Variants in HSP90B1 observed in about 807,000 individuals in gnomAD.
The protein encoded by HSP90B1 is endoplasmin.
Under a neutral mutation model 100.4 loss-of-function variants are expected in HSP90B1, and 27 were observed. The ratio of observed to expected loss-of-function variants is 0.27; its 90% CI spans 0.20 to 0.37. The LOEUF (loss-of-function observed/expected upper bound fraction) is 0.37. HSP90B1 is among the 10% of genes least tolerant of loss of function. The probability of loss-of-function intolerance (pLI) is 1.00; values close to 1 mark genes in which losing one functional copy is unlikely to be tolerated. For missense variants in HSP90B1, 678 were observed against 960.5 expected (o/e 0.71, Z 3.89); for synonymous variants, 304 against 330.8 (o/e 0.92, Z 0.88).
intron 8 of HSP90B1, among the ~76,000 whole-genome samples, chr12:103,940,628 A>G (rs1055073957): frequency 1.3e-5 from 2 of 152,198 alleles, no homozygotes; most frequent in African/African-American, 4.8e-5. Flanking sequence ...CTTACTTCAT[A>G]TAAAGCAGCT....
In HSP90B1 at chr12:103,946,800, T is replaced by C; in HGVS notation, c.2121T>C (p.Asp707=). 6.2e-7 allele frequency: 1 copy of C among 1,614,128 alleles called. No homozygotes were observed. The highest frequency in any genetic ancestry group is 8.5e-7 in the Non-Finnish European group (1 of 1,180,020). Residue 707 remains aspartate (D), a synonymous_variant, in exon 16 of 18, where the codon GAT becomes GAC. Transcript: ENST00000299767. The stretch of plus-strand genomic sequence containing the variant: ...TTGCATTTCAGGAAGATGAAGATGA[T>C]AAAACAGTTTTGGATCTTGCTGTGG... ...MLRRIKEDED[D]KTVLDLAVVL...
intron 6 of HSP90B1, 26 bp from the exon 7 acceptor site, chr12:103,938,314 T>C: frequency 6.6e-7 from 1 of 1,520,268 alleles, no homozygotes. Flanking sequence ...CAAATGAGTT[T>C]AACCATAATT....
chr12:103,939,134 C>G (rs997396679), intron 7 of HSP90B1, among the ~76,000 whole-genome samples: 3 of 149,974 alleles, frequency 2.0e-5, no homozygotes, highest in African/African-American at 7.4e-5. Context: ...GACAGAGTCT[C>G]TGCCACCCAG....
intron 7 of HSP90B1, 97 bp from the exon 8 acceptor site, chr12:103,939,401 CCTCTGGGTCTT>C (rs1870013324): frequency 1.8e-6 from 1 of 563,858 alleles, no homozygotes; most frequent in African/African-American, 2.0e-5. Context: ...CCACACCAGT[CCTCTGGGTCTT>C]TACATAGTCT....
At chr12:103,932,803 T>TATTC (rs757646370) in intron 3 of HSP90B1, 23 bp from the exon 4 acceptor site, 2 of 1,169,370 alleles carry the variant, frequency 1.7e-6, no homozygotes, top group South Asian at 2.4e-5. Flanking sequence ...AGTCTAAGTG[T>TATTC]ATTCCCTCTG....
rs148706377 is a variant in HSP90B1 at position 103,931,613 on chromosome 12, G to T, written c.142G>T (p.Val48Leu). The T allele has an allele frequency of 6.2e-7, 1 of 1,610,488 alleles. No individual in the cohort carries two copies. Among genetic ancestry groups the T allele is most frequent in the Non-Finnish European group, 8.5e-7 (1 of 1,176,864 alleles). The change falls in exon 2 of 18, where the codon GTA becomes TTA. Residue 48 changes from valine to leucine, a missense_variant. By Grantham distance (32) the Val-to-Leu change is conservative (BLOSUM62 1). Around this residue, in one of 8 missense-constraint regions of HSP90B1, gnomAD observed 88 missense variants for 88.2 expected, o/e 1.00. Coordinates refer to ENST00000299767, the MANE Select transcript of HSP90B1 (RefSeq NM_003299.3). ...AGAAGGATCAAGGACGGATGATGAAGTAGTACAGAGGTTTGTGTTCATTTG... is the reference window on the plus strand; with the variant it reads ...AGAAGGATCAAGGACGGATGATGAATTAGTACAGAGGTTTGTGTTCATTTG... ...SREGSRTDDEVVQREEEAIQL... is the reference protein window; with the variant it reads ...SREGSRTDDELVQREEEAIQL...
At chr12:103,937,394 G>C (rs546584870) in intron 5 of HSP90B1, among the ~76,000 whole-genome samples, 1 of 152,314 alleles carries the variant, frequency 6.6e-6, no homozygotes, top group Admixed American at 6.5e-5. Flanking sequence ...GAATATTTCA[G>C]TGCTTTCTCA....
At chr12:103,936,010 A>G (rs1288291475) in intron 5 of HSP90B1, among the ~76,000 whole-genome samples, 3 of 152,244 alleles carry the variant, frequency 2.0e-5, no homozygotes, top group East Asian at 3.8e-4. Flanking sequence ...ATGACCATGC[A>G]TATCTTTTTA....
Position 103,946,857 on chromosome 12 carries a change from G to T in HSP90B1, c.2178G>T (p.Gly726=). Reference sequence around the variant, plus strand: ...TTGAAACAGCAACGCTTCGGTCAGGGTATCTTTTACCAGACACTAAAGCAT... The same window carrying T: ...TTGAAACAGCAACGCTTCGGTCAGGTTATCTTTTACCAGACACTAAAGCAT... The part of the protein sequence containing the change: ...VLFETATLRS[G]YLLPDTKAYG... Residue 726 remains glycine (G), a synonymous_variant, in exon 16 of 18, where the codon GGG becomes GGT. Coordinates refer to ENST00000299767, the MANE Select transcript of HSP90B1 (RefSeq NM_003299.3). 1.2e-6 allele frequency: 2 copies of T among 1,614,048 alleles called. No individual in the cohort carries two copies. Among genetic ancestry groups the T allele is most frequent in the Non-Finnish European group, 1.7e-6 (2 of 1,179,964 alleles).
chr12:103,946,678 C>G lies in HSP90B1; in HGVS notation c.2088C>G (p.Asp696Glu), dbSNP rs553845953. The G allele has an allele frequency of 1.9e-6, 3 of 1,613,942 alleles. No individual in the cohort carries two copies. In the African/African-American group the frequency reaches 4.0e-5, roughly 22 times the overall value. Residue 696 changes from aspartate to glutamate, a missense_variant, in exon 15 of 18, where the codon GAC (aspartate) becomes GAG (glutamate). By Grantham distance (45) the Asp-to-Glu change is conservative. Transcript: ENST00000299767. ...ATCCCAGACACCCGCTGATCAGAGA[C>G]ATGCTTCGACGAATTAAGGTAGTAT... is the stretch of plus-strand genomic sequence containing the variant. ...EINPRHPLIR[D>E]MLRRIKEDED... is the part of the protein sequence containing the mutation.
Position 103,932,822 on chromosome 12 carries a change from T to G in HSP90B1, c.295-4T>G. The G allele has an allele frequency of 6.8e-7, 1 of 1,464,666 alleles. No homozygotes were observed. 90.7% of individuals were successfully genotyped at this position (1,464,666 alleles called of 1,614,324 possible). On this transcript the variant is annotated splice_polypyrimidine_tract_variant and splice_region_variant and intron_variant, in intron 3 of 17. Coordinates refer to ENST00000299767, the MANE Select transcript of HSP90B1 (RefSeq NM_003299.3). ...TAAGTGTATTCCCTCTGGCTTCCAT[T>G]TAGATTTTCCTGAGAGAACTGATTT... is the stretch of plus-strand genomic sequence containing the variant.
chr12:103,937,423 A>G (rs187776744), intron 5 of HSP90B1, among the ~76,000 whole-genome samples: 4 of 152,352 alleles, frequency 2.6e-5, no homozygotes, highest in South Asian at 4.1e-4. Flanking sequence ...AATGAAAACA[A>G]TCTATTCAGA....
At position 103,939,564 on chromosome 12, in the gene HSP90B1, A is replaced by T. The variant is rs767254008; in HGVS notation, c.1031A>T (p.Gln344Leu). Reference protein sequence around the residue: ...ELMNDIKPIWQRPSKEVEEDE... With the variant: ...ELMNDIKPIWLRPSKEVEEDE... ...ATGAATGATATCAAACCAATATGGCAGAGACCATCAAAAGAAGTAGAAGAA... is the reference window on the plus strand; with the variant it reads ...ATGAATGATATCAAACCAATATGGCTGAGACCATCAAAAGAAGTAGAAGAA... The change falls in exon 8 of 18, where the codon CAG becomes CTG. Residue 344 changes from glutamine (Q) to leucine (L), a missense_variant. Physicochemically the swap from Gln to Leu is moderately radical, Grantham distance 113. This residue lies in a region of HSP90B1 where 238 missense variants were observed against 346.7 expected (regional missense o/e 0.69). Transcript: ENST00000299767. The T allele has an allele frequency of 6.3e-7, 1 of 1,589,926 alleles. No homozygotes were observed. The highest frequency in any genetic ancestry group is 8.5e-7 in the Non-Finnish European group (1 of 1,169,738).
intron 14 of HSP90B1, 75 bp from the exon 15 acceptor site, chr12:103,946,543 A>G: frequency 9.5e-7 from 1 of 1,052,148 alleles, no homozygotes; most frequent in Admixed American, 1.9e-5. Flanking sequence ...CTGTGTAATT[A>G]TGAAAGAATA....
intron 5 of HSP90B1, among the ~76,000 whole-genome samples, chr12:103,935,587 A>C (rs1869889877): frequency 6.6e-6 from 1 of 152,218 alleles, no homozygotes; most frequent in Non-Finnish European, 1.5e-5. Flanking sequence ...CTTTTAATGA[A>C]GACTAATTAG....
In HSP90B1 at chr12:103,934,073, A is replaced by G; in HGVS notation, c.529A>G (p.Lys177Glu). The G allele has an allele frequency of 6.2e-7, 1 of 1,614,270 alleles. No individual in the cohort carries two copies. Among genetic ancestry groups the G allele is most frequent in the Admixed American group, 1.7e-5 (1 of 60,036 alleles). ...ATCTGGGACAAGCGAGTTTTTAAAC[A>G]AAATGACTGAAGCACAGGAAGATGG... ...AKSGTSEFLN[K>E]MTEAQEDGQS... Residue 177 changes from lysine to glutamate, a missense_variant, in exon 5 of 18, where the codon AAA (lysine) becomes GAA (glutamate). This residue lies in a region of HSP90B1 where 238 missense variants were observed against 346.7 expected (regional missense o/e 0.69). Coordinates refer to ENST00000299767, the MANE Select transcript of HSP90B1 (RefSeq NM_003299.3).
At position 103,930,588 on chromosome 12, in the gene HSP90B1, C is replaced by T. The variant is rs1422912171; in HGVS notation, c.49+24C>T. 1 of 1,598,060 alleles carries T rather than the reference C, an allele frequency of 6.3e-7. No individual in the cohort carries two copies. Among genetic ancestry groups the T allele is most frequent in the South Asian group, 1.1e-5 (1 of 88,506 alleles). On this transcript the variant is annotated intron_variant, in intron 1 of 17. Transcript: ENST00000299767. The surrounding 1 kb of genome is among the most constrained non-coding windows in gnomAD (Gnocchi z 4.4). ...CGGTGAGTGATTCTGGAGGAGCAGA[C>T]GTCCCCCCTCCACACACGCGGCCGC...
chr12:103,939,854 A>C lies in HSP90B1; in HGVS notation c.1092+229A>C, dbSNP rs570502389. ...ACATTTATGAACCTTTGAGATTGACACCTCAGTAGAGATGGTCTTTGAGAG... is the reference window on the plus strand; with the variant it reads ...ACATTTATGAACCTTTGAGATTGACCCCTCAGTAGAGATGGTCTTTGAGAG... On this transcript the variant is annotated intron_variant, in intron 8 of 17. Coordinates refer to ENST00000299767, the MANE Select transcript of HSP90B1 (RefSeq NM_003299.3). 6.5e-4 allele frequency among the ~76,000 whole-genome samples: 99 copies of C among 152,336 alleles called. 1 individual carries two copies. The highest frequency in any genetic ancestry group is 2.3e-3 in the African/African-American group (95 of 41,574).
chr12:103,938,292 A>C (rs757749469), intron 6 of HSP90B1, 48 bp from the exon 7 acceptor site: 1 of 1,492,708 alleles, frequency 6.7e-7, no homozygotes, highest in South Asian at 1.3e-5. Flanking sequence ...AGACAAAATC[A>C]GAATTGTTAA....
Sources: allele counts gnomAD v4.1 joint callset (sites outside exome capture counted in the v4.1 genomes callset), GRCh38; gene constraint gnomAD v4.1.1; regional missense constraint gnomAD v4.1.1; non-coding constraint Gnocchi (gnomAD v3.1); transcripts MANE v1.5; gene names NCBI Gene and HGNC (gene_info 2026-07-23, HGNC 2026-07-21).